The following XRCC5 variants were observed in gnomAD, a reference collection of about 807,000 sequenced individuals.
XRCC5 encodes the protein X-ray repair cross complementing 5, also known as DNA repair protein Ku80.
A neutral mutation model predicts 95.7 loss-of-function variants in XRCC5; 12 were observed. The ratio of observed to expected loss-of-function variants is 0.13; its 90% CI spans 0.08 to 0.20. XRCC5 has a LOEUF of 0.20. XRCC5 is among the 10% of genes least tolerant of loss of function. The pLI is 1.00. For missense variants in XRCC5, 595 were observed against 873.9 expected (o/e 0.68, Z 4.02); for synonymous variants, 281 against 290.3 (o/e 0.97, Z 0.33).
At chr2:216,149,647 C>T (rs1299151905) in intron 14 of XRCC5, among the ~76,000 whole-genome samples, 1 of 152,128 alleles carries the variant, frequency 6.6e-6, no homozygotes, top group African/African-American at 2.4e-5. Context: ...TCTTGATTAC[C>T]TTCTGGTGTT....
chr2:216,112,933 A>G (rs1696614707), intron 1 of XRCC5, 83 bp from the exon 2 acceptor site: 5 of 1,041,954 alleles, frequency 4.8e-6, no homozygotes, highest in Middle Eastern at 4.2e-4. Context: ...ATACAGGTTC[A>G]TGAATACAAT....
intron 16 of XRCC5, among the ~76,000 whole-genome samples, chr2:216,162,427 G>A (rs1688970508): frequency 6.8e-6 from 1 of 147,868 alleles, no homozygotes; most frequent in East Asian, 2.0e-4. Context: ...TTGAGATGGA[G>A]TTTCTCTCTT....
At position 216,201,067 on chromosome 2, in the gene XRCC5, AT is replaced by A. The variant is rs572497543; in HGVS notation, c.2110-3251del. Among the ~76,000 whole-genome samples, 46 of 152,316 alleles carry A rather than the reference AT, an allele frequency of 3.0e-4. No homozygotes were observed. In the South Asian group the frequency reaches 3.7e-3, roughly 12 times the overall value. ...AGGTATGGTAAGTAGTAGTATTCAC[AT>A]TTTGTTTTTGAGCGAAATTAGTTAT... On this transcript the variant is annotated intron_variant, in intron 19 of 20. Coordinates refer to ENST00000392132, the MANE Select transcript of XRCC5 (RefSeq NM_021141.4).
chr2:216,157,529 G>A (rs889165707), intron 14 of XRCC5, among the ~76,000 whole-genome samples: 1 of 151,158 alleles, frequency 6.6e-6, no homozygotes, highest in South Asian at 2.1e-4. Flanking sequence ...CACCACGCCC[G>A]GCCAATACAA....
In XRCC5 at chr2:216,117,800, T is replaced by C. The variant is rs770263593; in HGVS notation, c.368+6T>C. On this transcript the variant is annotated splice_donor_region_variant and intron_variant, in intron 4 of 20. Coordinates refer to ENST00000392132, the MANE Select transcript of XRCC5 (RefSeq NM_021141.4). The stretch of plus-strand genomic sequence containing the variant: ...GTGATTCAACATGAAACAATGTAAG[T>C]GTTCCAAGGAAGAGAGCTGGAAGAG... The C allele has an allele frequency of 7.4e-6, 12 of 1,614,062 alleles. No individual in the cohort carries two copies. In the East Asian group the frequency reaches 2.7e-4, roughly 36 times the overall value.
intron 6 of XRCC5, among the ~76,000 whole-genome samples, chr2:216,124,022 A>G (rs951225296): frequency 2.6e-5 from 4 of 152,216 alleles, no homozygotes; most frequent in Non-Finnish European, 5.9e-5. Flanking sequence ...TGGCTATTTA[A>G]ATTCAAGTTA....
intron 16 of XRCC5, among the ~76,000 whole-genome samples, chr2:216,165,352 C>T (rs745765889): frequency 4.6e-5 from 7 of 152,214 alleles, no homozygotes; most frequent in Admixed American, 6.5e-5. Flanking sequence ...CTCTGACCTC[C>T]GTCTAAGACT....
At chr2:216,202,629 G>C (rs937775900) in intron 19 of XRCC5, among the ~76,000 whole-genome samples, 6 of 152,116 alleles carry the variant, frequency 3.9e-5, no homozygotes, top group Non-Finnish European at 8.8e-5. Flanking sequence ...TCTCAGTCTT[G>C]CACATGGCCC....
chr2:216,195,941 C>T (rs758957879), intron 19 of XRCC5, among the ~76,000 whole-genome samples: 2 of 152,038 alleles, frequency 1.3e-5, no homozygotes, highest in East Asian at 1.9e-4. Context: ...TCTAGAAGCT[C>T]GGGCAGTTAA....
intron 14 of XRCC5, among the ~76,000 whole-genome samples, chr2:216,153,308 C>A (rs1375539785): frequency 6.6e-6 from 1 of 152,164 alleles, no homozygotes; most frequent in Non-Finnish European, 1.5e-5. Flanking sequence ...CCAAATTTTT[C>A]TTTTTCAATC....
intron 19 of XRCC5, 137 bp downstream of exon 19, chr2:216,195,123 A>AC (rs1477296074): frequency 2.7e-6 from 2 of 745,690 alleles, no homozygotes; most frequent in Non-Finnish European, 4.5e-6. Flanking sequence ...AATTGCTTCA[A>AC]CCACAGCATC....
chr2:216,159,025 A>G (rs1360724437), intron 14 of XRCC5, among the ~76,000 whole-genome samples: 1 of 152,246 alleles, frequency 6.6e-6, no homozygotes, highest in Admixed American at 6.5e-5. Flanking sequence ...CTCATAATAA[A>G]ATAAGTAAAT....
intron 16 of XRCC5, among the ~76,000 whole-genome samples, chr2:216,177,390 C>T (rs546610366): frequency 1.3e-5 from 2 of 152,188 alleles, no homozygotes; most frequent in East Asian, 1.9e-4. Flanking sequence ...CAGGGTGACA[C>T]TAAAGAAAAC....
chr2:216,150,987 T>C (rs146385942), intron 14 of XRCC5, among the ~76,000 whole-genome samples: 1 of 152,370 alleles, frequency 6.6e-6, no homozygotes, highest in East Asian at 1.9e-4. Context: ...AGTTTCATTA[T>C]AATCTTATGA....
At position 216,158,671 on chromosome 2, in the gene XRCC5, C is replaced by G. The variant is rs41301688; in HGVS notation, c.1671-1397C>G. Among the ~76,000 whole-genome samples the G allele has an allele frequency of 4.1e-3, 621 of 152,244 alleles. 4 individuals are homozygous for G. The highest frequency in any genetic ancestry group is 0.014 in the African/African-American group (601 of 41,570). ...CTTGTAATGTTTCCTGGTTCCCACC[C>G]TTCTGTCTTCTACTTTGCTCTTGTC... On this transcript the variant is annotated intron_variant, in intron 14 of 20. Coordinates refer to ENST00000392132, the MANE Select transcript of XRCC5 (RefSeq NM_021141.4).
chr2:216,132,448 C>A, intron 10 of XRCC5, 61 bp downstream of exon 10: 1 of 1,549,094 alleles, frequency 6.5e-7, no homozygotes, highest in Non-Finnish European at 8.9e-7. Flanking sequence ...TCTATGAAAG[C>A]AAGTTGTTTG....
intron 14 of XRCC5, among the ~76,000 whole-genome samples, chr2:216,151,148 G>A (rs1278895159): frequency 6.6e-6 from 1 of 152,116 alleles, no homozygotes; most frequent in African/African-American, 2.4e-5. Flanking sequence ...TCTGATATTT[G>A]TCTTGGACTT....
At chr2:216,175,816 G>A (rs1407339027) in intron 16 of XRCC5, 1 of 435,914 alleles carries the variant, frequency 2.3e-6, no homozygotes, top group East Asian at 6.3e-5. Context: ...TGTTTGCTTG[G>A]GGTTCTGTCA....
At chr2:216,121,858 G>C (rs1574453695) in intron 5 of XRCC5, among the ~76,000 whole-genome samples, 1 of 152,184 alleles carries the variant, frequency 6.6e-6, no homozygotes, top group South Asian at 2.1e-4. Flanking sequence ...TGGTTATGTA[G>C]TAGCCAGTGA....
Sources: allele counts gnomAD v4.1 joint callset (sites outside exome capture counted in the v4.1 genomes callset), GRCh38; gene constraint gnomAD v4.1.1; transcripts MANE v1.5; gene names NCBI Gene and HGNC (gene_info 2026-07-23, HGNC 2026-07-21).